CENPO: variants seen among roughly 807,000 people sequenced by gnomAD.
The protein encoded by CENPO is centromeric protein O.
CENPO carries 30 observed loss-of-function variants against 36.1 expected under a neutral mutation model. The observed-to-expected ratio is 0.83, with a 90% confidence interval of 0.62 to 1.13. The LOEUF is 1.13. Among genes scored for constraint, CENPO ranks in the 50% most tolerant of loss-of-function variants. The pLI is 0.00. For synonymous variants in CENPO, 171 were observed against 142.3 expected (o/e 1.20, Z -1.44); for missense variants, 349 against 357.8 (o/e 0.98, Z 0.20).
rs1667718043 is a variant in CENPO, at chr2:24,821,565, G to A, written c.*2247G>A. 1.2e-6 allele frequency: 2 copies of A among 1,614,170 alleles called. No homozygotes were observed. Among genetic ancestry groups the A allele is most frequent in the Admixed American group, 1.7e-5 (1 of 60,024 alleles). ...AAGGACTGGTTGTTGATGTTGGTGA[G>A]CGTATCCTTCATGGCCAGCGCGAAG... On this transcript the variant is annotated 3_prime_UTR_variant, in exon 8 of 8. Transcript: ENST00000380834.
chr2:24,796,727 T>C (rs1045354353), intron 2 of CENPO, among the ~76,000 whole-genome samples: 2 of 152,172 alleles, frequency 1.3e-5, no homozygotes, highest in Admixed American at 6.5e-5. Flanking sequence ...GCACCTGACC[T>C]TGTTCTGAAG....
intron 1 of CENPO, 122 bp downstream of exon 1, chr2:24,793,623 T>C: frequency 1.4e-6 from 2 of 1,413,286 alleles, no homozygotes; most frequent in Non-Finnish European, 1.9e-6. Context: ...TGGACCAGAG[T>C]AGCCGTGGCC....
At position 24,793,647 on chromosome 2, in the gene CENPO, G is replaced by A. The variant is rs533441984; in HGVS notation, c.-69+146G>A. 1.6e-5 allele frequency: 21 copies of A among 1,304,100 alleles called. No homozygotes were observed. In the East Asian group the frequency reaches 4.8e-4, roughly 30 times the overall value. 80.8% of individuals were successfully genotyped at this position (1,304,100 alleles called of 1,614,324 possible). ...GTAGCCGTGGCCTCGGGAGCGCGCCGGGGCCGCGGGATGGGCGCGGGGGTG... is the reference window on the plus strand; with the variant it reads ...GTAGCCGTGGCCTCGGGAGCGCGCCAGGGCCGCGGGATGGGCGCGGGGGTG... On this transcript the variant is annotated intron_variant, in intron 1 of 7. Coordinates refer to ENST00000380834, the MANE Select transcript of CENPO (RefSeq NM_001322101.2).
chr2:24,802,287 A>G (rs1321017545), intron 3 of CENPO, among the ~76,000 whole-genome samples: 1 of 152,018 alleles, frequency 6.6e-6, no homozygotes, highest in East Asian at 1.9e-4. Flanking sequence ...GGACAATTTG[A>G]CTTCCTCTTT....
intron 3 of CENPO, among the ~76,000 whole-genome samples, chr2:24,808,772 C>A (rs1366631905): frequency 1.3e-5 from 2 of 152,026 alleles, no homozygotes; most frequent in Non-Finnish European, 2.9e-5. Flanking sequence ...GTTATTAGAA[C>A]TTTTGCATCT....
chr2:24,817,794 T>G lies in CENPO; in HGVS notation c.891T>G (p.Ser297Arg). The change falls in exon 7 of 8, where the codon AGT becomes AGG. Residue 297 changes from serine (S) to arginine (R), a missense_variant. Coordinates refer to ENST00000380834, the MANE Select transcript of CENPO (RefSeq NM_001322101.2). ...FTRKGEKLDM[S>R]LVS ...GAAAAGGAGAAAAGTTGGATATGAG[T>G]CTGGTCTCCTAATAGATTGTTTTCA... 1.2e-6 allele frequency: 2 copies of G among 1,614,142 alleles called. No homozygotes were observed. Among genetic ancestry groups the G allele is most frequent in the East Asian group, 2.2e-5 (1 of 44,884 alleles).
chr2:24,810,076 T>A (rs1292023344), intron 3 of CENPO, among the ~76,000 whole-genome samples: 1 of 152,000 alleles, frequency 6.6e-6, no homozygotes, highest in African/African-American at 2.4e-5. Flanking sequence ...ACATTCTTAT[T>A]GATTTACTTG....
intron 6 of CENPO, 53 bp from the exon 7 acceptor site, chr2:24,817,617 G>C (rs538896660): frequency 6.2e-7 from 1 of 1,609,804 alleles, no homozygotes; most frequent in Admixed American, 1.7e-5. Flanking sequence ...AGTGATCCAG[G>C]CTCCGATTCC....
intron 3 of CENPO, among the ~76,000 whole-genome samples, chr2:24,810,951 A>ATT (rs1356718557): frequency 1.4e-5 from 2 of 145,674 alleles, no homozygotes; most frequent in African/African-American, 5.1e-5. Flanking sequence ...TATTATTGTT[A>ATT]TTTTTTTTTT....
intron 3 of CENPO, among the ~76,000 whole-genome samples, chr2:24,803,147 T>C (rs1268984886): frequency 5.9e-5 from 9 of 151,292 alleles, no homozygotes. Context: ...TGATGGTAGT[T>C]TGTATTTCTG....
At chr2:24,808,488 C>A (rs764014021) in intron 3 of CENPO, among the ~76,000 whole-genome samples, 1 of 152,118 alleles carries the variant, frequency 6.6e-6, no homozygotes, top group Non-Finnish European at 1.5e-5. Context: ...AGGCGTGAGC[C>A]GCCGTGCCTG....
intron 3 of CENPO, among the ~76,000 whole-genome samples, chr2:24,800,595 C>T (rs570651284): frequency 1.3e-4 from 19 of 151,052 alleles, no homozygotes; most frequent in African/African-American, 3.6e-4. Flanking sequence ...TTTGTCCTTG[C>T]GATAGTTTGC....
chr2:24,821,892 G>C lies in CENPO; in HGVS notation c.*2574G>C. 1 of 453,008 alleles carries C rather than the reference G, an allele frequency of 2.2e-6. No homozygotes were observed. Among genetic ancestry groups the C allele is most frequent in the Non-Finnish European group, 3.9e-6 (1 of 255,652 alleles). 28.1% of individuals were successfully genotyped at this position (453,008 alleles called of 1,614,324 possible). On this transcript the variant is annotated 3_prime_UTR_variant, in exon 8 of 8. Transcript: ENST00000380834. The stretch of plus-strand genomic sequence containing the variant: ...GGACCTGTGAGTCTGACCACGAGGC[G>C]GACCCCTTCACCTTGGCTGGGCCTG...
At position 24,817,786 on chromosome 2, in the gene CENPO, G is replaced by T. The variant is rs138355849; in HGVS notation, c.883G>T (p.Asp295Tyr). The change falls in exon 7 of 8, where the codon GAT becomes TAT. Residue 295 changes from aspartate (D) to tyrosine (Y), a missense_variant. Asp to Tyr is a radical substitution (Grantham distance 160). Transcript: ENST00000380834. The stretch of plus-strand genomic sequence containing the variant: ...ATTTACAAGAAAAGGAGAAAAGTTG[G>T]ATATGAGTCTGGTCTCCTAATAGAT... ...ASFTRKGEKL[D>Y]MSLVS is the part of the protein sequence containing the mutation. 6.2e-7 allele frequency: 1 copy of T among 1,614,150 alleles called. No individual in the cohort carries two copies. Among genetic ancestry groups the T allele is most frequent in the African/African-American group, 1.3e-5 (1 of 75,034 alleles).
chr2:24,819,988 T>C lies in CENPO; in HGVS notation c.*670T>C. The C allele has an allele frequency of 1.2e-6, 2 of 1,613,116 alleles. No individual in the cohort carries two copies. The highest frequency in any genetic ancestry group is 1.7e-6 in the Non-Finnish European group (2 of 1,179,594). On this transcript the variant is annotated 3_prime_UTR_variant, in exon 8 of 8. Transcript: ENST00000380834. ...GTGACAGAGGGGCCATTGGGGAAGG[T>C]GGCTAGCTTATCCCGCCCCTTCAAG... is the stretch of plus-strand genomic sequence containing the variant.
chr2:24,810,945 ATTG>A (rs1423201813), intron 3 of CENPO, among the ~76,000 whole-genome samples: 1 of 150,044 alleles, frequency 6.7e-6, no homozygotes, highest in East Asian at 2.0e-4. Context: ...ATTATTTATT[ATTG>A]TTATTTTTTT....
At chr2:24,796,726 C>T (rs1453336105) in intron 2 of CENPO, among the ~76,000 whole-genome samples, 1 of 152,152 alleles carries the variant, frequency 6.6e-6, no homozygotes, top group Non-Finnish European at 1.5e-5. Flanking sequence ...GGCACCTGAC[C>T]TTGTTCTGAA....
intron 3 of CENPO, among the ~76,000 whole-genome samples, chr2:24,809,534 GT>G (rs1483036242): frequency 6.6e-6 from 1 of 150,738 alleles, no homozygotes; most frequent in Admixed American, 6.6e-5. Context: ...TTCTTTTTTT[GT>G]TTGTATTTTT....
In CENPO at chr2:24,820,259, C is replaced by CCCTT; in HGVS notation, c.*944_*947dup. 8.3e-7 allele frequency: 1 copy of CCCTT among 1,200,988 alleles called. No homozygotes were observed. 74.4% of individuals were successfully genotyped at this position (1,200,988 alleles called of 1,614,324 possible). A position where few individuals can be genotyped will look rare whatever the true frequency, so the allele number is the denominator to read the frequency against. On this transcript the variant is annotated 3_prime_UTR_variant, in exon 8 of 8. Coordinates refer to ENST00000380834, the MANE Select transcript of CENPO (RefSeq NM_001322101.2). ...ACTCCCCAAACCTCCCAGGGCCAAG[C>CCCTT]CCTTCCACCCGTGGCGAGCAGCGGG...
Sources: allele counts gnomAD v4.1 joint callset (sites outside exome capture counted in the v4.1 genomes callset), GRCh38; gene constraint gnomAD v4.1.1; transcripts MANE v1.5; gene names NCBI Gene and HGNC (gene_info 2026-07-23, HGNC 2026-07-21).